The following LOC400499 variants were observed in gnomAD, a reference collection of about 807,000 sequenced individuals.
the LOC400499 span, among the ~76,000 whole-genome samples, chr16:11,484,550 G>A: frequency 1.3e-5 from 2 of 152,184 alleles, no homozygotes; most frequent in East Asian, 1.9e-4. Flanking sequence ...TTAAGGATGG[G>A]TATTAACAAG....
chr16:11,438,770 CAG>C, the LOC400499 span, among the ~76,000 whole-genome samples: 4 of 152,010 alleles, frequency 2.6e-5, no homozygotes, highest in Non-Finnish European at 2.9e-5. Flanking sequence ...GCCCAGCTAA[CAG>C]AGTGAGATCC....
chr16:11,475,050 T>C, the LOC400499 span, among the ~76,000 whole-genome samples: 133 of 152,366 alleles, frequency 8.7e-4, no homozygotes, highest in Non-Finnish European at 1.5e-3. Flanking sequence ...TGTTGATTTA[T>C]TGAGCAAGTA....
At chr16:11,492,864 C>A in the LOC400499 span, among the ~76,000 whole-genome samples, 1 of 151,848 alleles carries the variant, frequency 6.6e-6, no homozygotes, top group Non-Finnish European at 1.5e-5. Context: ...GCCAGGGGGA[C>A]CTGGGAGGTT....
At chr16:11,474,051 G>C in the LOC400499 span, among the ~76,000 whole-genome samples, 1 of 152,186 alleles carries the variant, frequency 6.6e-6, no homozygotes, top group South Asian at 2.1e-4. Flanking sequence ...TAGAGACAAG[G>C]TCTCACTATG....
chr16:11,383,548 G>A, the LOC400499 span: 3 of 1,179,344 alleles, frequency 2.5e-6, no homozygotes, highest in Non-Finnish European at 3.2e-6. Flanking sequence ...ACAATTATTT[G>A]TCCTCCCTGG....
At chr16:11,414,689 C>T in the LOC400499 span, 6 of 396,820 alleles carry the variant, frequency 1.5e-5, no homozygotes, top group Non-Finnish European at 2.7e-5. Flanking sequence ...GCCTCCGTGA[C>T]ATCATCTGTC....
At chr16:11,398,349 C>T in the LOC400499 span, 4 of 1,232,180 alleles carry the variant, frequency 3.2e-6, no homozygotes, top group East Asian at 6.3e-5. Context: ...CAGACTCACC[C>T]TGGGCAGGTC....
the LOC400499 span, among the ~76,000 whole-genome samples, chr16:11,382,738 AGGTG>A: frequency 6.6e-5 from 10 of 152,236 alleles, no homozygotes; most frequent in Middle Eastern, 6.8e-3. Context: ...TGAACCCAGG[AGGTG>A]GAAGTTGCAG....
the LOC400499 span, chr16:11,491,634 C>T: frequency 2.7e-6 from 1 of 370,976 alleles, no homozygotes; most frequent in Non-Finnish European, 4.8e-6. Flanking sequence ...CCCCTGCACT[C>T]TTCAGGAGGT....
At chr16:11,423,231 G>A in the LOC400499 span, 1 of 399,264 alleles carries the variant, frequency 2.5e-6, no homozygotes. Flanking sequence ...CAGCTGGGTG[G>A]GCGAGGCGTC....
the LOC400499 span, among the ~76,000 whole-genome samples, chr16:11,504,791 C>G: frequency 4.6e-4 from 70 of 152,106 alleles, 1 homozygote; most frequent in African/African-American, 1.6e-3. Flanking sequence ...GGCATGGTGG[C>G]ATGAGCCTGT....
At chr16:11,447,678 C>T in the LOC400499 span, among the ~76,000 whole-genome samples, 42 of 152,124 alleles carry the variant, frequency 2.8e-4, no homozygotes, top group Middle Eastern at 3.4e-3. Flanking sequence ...AATGAGAAGA[C>T]GCCCCAAGCA....
the LOC400499 span, among the ~76,000 whole-genome samples, chr16:11,451,223 G>A: frequency 6.6e-6 from 1 of 152,196 alleles, no homozygotes; most frequent in Non-Finnish European, 1.5e-5. Context: ...AACCTAGTAT[G>A]AGAGGATGCT....
chr16:11,510,174 G>A, the LOC400499 span, among the ~76,000 whole-genome samples: 1 of 151,324 alleles, frequency 6.6e-6, no homozygotes, highest in Admixed American at 6.6e-5. Context: ...ACCTACCCTC[G>A]AATCCACAGT....
the LOC400499 span, among the ~76,000 whole-genome samples, chr16:11,377,020 C>T: frequency 2.0e-5 from 3 of 149,758 alleles, no homozygotes; most frequent in African/African-American, 4.9e-5. Context: ...GCATAATCAT[C>T]GTCAAAACTG....
chr16:11,448,629 A>G, the LOC400499 span, among the ~76,000 whole-genome samples: 1 of 152,232 alleles, frequency 6.6e-6, no homozygotes, highest in Non-Finnish European at 1.5e-5. Flanking sequence ...TAGTAGGCTG[A>G]GCGGGGAGGA....
At chr16:11,462,201 C>T in the LOC400499 span, 51 of 1,534,754 alleles carry the variant, frequency 3.3e-5, no homozygotes, top group Middle Eastern at 1.7e-4. Context: ...GTGAGGTTCC[C>T]GGTGAAGACG....
chr16:11,417,222 C>G, the LOC400499 span, among the ~76,000 whole-genome samples: 3 of 151,874 alleles, frequency 2.0e-5, no homozygotes, highest in African/African-American at 7.2e-5. Context: ...GGCCCTCAAT[C>G]CACTGTGGAT....
At chr16:11,412,149 G>C in the LOC400499 span, among the ~76,000 whole-genome samples, 2 of 152,144 alleles carry the variant, frequency 1.3e-5, no homozygotes, top group African/African-American at 2.4e-5. Flanking sequence ...ACAGGTGTGA[G>C]CCGCTGTGCC....
Sources: allele counts gnomAD v4.1 joint callset (sites outside exome capture counted in the v4.1 genomes callset), GRCh38; gene constraint gnomAD v4.1.1; transcripts MANE v1.5.